Variants in NFIA observed in about 807,000 individuals in gnomAD.
The protein encoded by NFIA is nuclear factor 1 A-type.
In NFIA, 8 loss-of-function variants were observed where a neutral mutation model predicts 62.8. That is an observed-to-expected ratio of 0.13 (90% CI 0.07 to 0.23). The LOEUF (loss-of-function observed/expected upper bound fraction) is 0.23. NFIA is among the 10% of genes least tolerant of loss of function. The pLI, the probability that NFIA is intolerant of heterozygous loss-of-function variation, is 1.00. For missense variants in NFIA, 410 were observed against 642.1 expected, an observed-to-expected ratio of 0.64 and a Z score of 3.91; for synonymous variants, 235 against 238.1, an observed-to-expected ratio of 0.99 and a Z score of 0.12.
intron 2 of NFIA, among the ~76,000 whole-genome samples, chr1:61,150,560 T>G (rs1020956087): frequency 1.3e-5 from 2 of 152,184 alleles, no homozygotes; most frequent in Admixed American, 6.5e-5. Context: ...GGGGGAAATT[T>G]TAAAATTCTT....
Position 61,458,539 on chromosome 1 carries a change from ATGT to A in NFIA, c.*3224_*3226del, listed in dbSNP as rs1271184082. On this transcript the variant is annotated 3_prime_UTR_variant, in exon 11 of 11. Coordinates refer to ENST00000403491, the MANE Select transcript of NFIA (RefSeq NM_001134673.4). Reference sequence around the variant, plus strand: ...TATTTTATAATGCAGGACTTTTGTAATGTTGTTTAAATGAGGAAAAATTTCTGT... The same window carrying A: ...TATTTTATAATGCAGGACTTTTGTAATGTTTAAATGAGGAAAAATTTCTGT... 6.6e-6 allele frequency: 1 copy of A among 152,186 alleles called. No homozygotes were observed. The highest frequency in any genetic ancestry group is 1.5e-5 in the Non-Finnish European group (1 of 68,024). 9.4% of individuals were successfully genotyped at this position (152,186 alleles called of 1,614,324 possible).
intron 2 of NFIA, among the ~76,000 whole-genome samples, chr1:61,263,749 C>A (rs1656922695): frequency 6.6e-6 from 1 of 152,102 alleles, no homozygotes; most frequent in Non-Finnish European, 1.5e-5. Flanking sequence ...AATCCCAGCA[C>A]TTTGGGAGGC....
chr1:61,435,415 C>T (rs1557436800), intron 10 of NFIA, among the ~76,000 whole-genome samples: 1 of 152,178 alleles, frequency 6.6e-6, no homozygotes, highest in South Asian at 2.1e-4. Context: ...ATTGTTTCAG[C>T]GCTGCACGAG....
In NFIA at chr1:61,461,382, C is replaced by T. The variant is rs1390012349; in HGVS notation, c.*6062C>T. 1.3e-5 allele frequency: 2 copies of T among 152,090 alleles called. No individual in the cohort carries two copies. Among genetic ancestry groups the T allele is most frequent in the South Asian group, 2.1e-4 (1 of 4,810 alleles). The allele number at this position is 152,090 out of a possible 1,614,324, so 9.4% of individuals were successfully genotyped here. ...TAAAACTCTGTACAAACTTTGGGCC[C>T]GATTCATAAGAAAAAGAAGTTTGCT... On this transcript the variant is annotated 3_prime_UTR_variant, in exon 11 of 11. Coordinates refer to ENST00000403491, the MANE Select transcript of NFIA (RefSeq NM_001134673.4).
At chr1:61,266,870 G>A (rs1419009537) in intron 2 of NFIA, among the ~76,000 whole-genome samples, 2 of 152,192 alleles carry the variant, frequency 1.3e-5, no homozygotes, top group Admixed American at 1.3e-4. Flanking sequence ...TCCAAGCAGT[G>A]AACAGTTAGA....
intron 2 of NFIA, among the ~76,000 whole-genome samples, chr1:61,134,067 A>G (rs890275612): frequency 6.6e-6 from 1 of 151,768 alleles, no homozygotes; most frequent in African/African-American, 2.4e-5. Context: ...CAGAGGTTAC[A>G]GTGAGCACTC....
At chr1:61,122,485 A>T (rs1019676872) in intron 2 of NFIA, among the ~76,000 whole-genome samples, 2 of 152,224 alleles carry the variant, frequency 1.3e-5, no homozygotes, top group Non-Finnish European at 2.9e-5. Flanking sequence ...ACATAAAAAA[A>T]GGTGGTAATT....
At chr1:61,408,594 C>T (rs932732106) in intron 9 of NFIA, among the ~76,000 whole-genome samples, 2 of 152,166 alleles carry the variant, frequency 1.3e-5, no homozygotes, top group South Asian at 2.1e-4. Context: ...CAATCAATTC[C>T]GTGGAAACAG....
At chr1:61,392,732 G>A (rs1665044314) in intron 7 of NFIA, among the ~76,000 whole-genome samples, 1 of 152,232 alleles carries the variant, frequency 6.6e-6, no homozygotes, top group South Asian at 2.1e-4. Context: ...GTTGTCCCTG[G>A]GAGGACAGGT....
chr1:61,226,952 C>T (rs1448676541), intron 2 of NFIA, among the ~76,000 whole-genome samples: 1 of 152,220 alleles, frequency 6.6e-6, no homozygotes, highest in African/African-American at 2.4e-5. Flanking sequence ...GGGAGCTGCA[C>T]TTCATTTCTC....
At chr1:61,369,862 G>A (rs1005001324) in intron 6 of NFIA, among the ~76,000 whole-genome samples, 1 of 152,024 alleles carries the variant, frequency 6.6e-6, no homozygotes, top group Non-Finnish European at 1.5e-5. Flanking sequence ...ATTGTTTGCA[G>A]ACTTATTTCC....
intron 2 of NFIA, among the ~76,000 whole-genome samples, chr1:61,176,929 C>A (rs962430042): frequency 6.6e-6 from 1 of 151,848 alleles, no homozygotes; most frequent in Admixed American, 6.6e-5. Flanking sequence ...ACAGTGAAAC[C>A]CCGTCTCTAC....
intron 2 of NFIA, among the ~76,000 whole-genome samples, chr1:61,234,784 A>C (rs1285863923): frequency 1.3e-5 from 2 of 152,234 alleles, no homozygotes; most frequent in African/African-American, 2.4e-5. Flanking sequence ...AAGAAGACTG[A>C]GTATGTATTT....
intron 4 of NFIA, among the ~76,000 whole-genome samples, chr1:61,347,141 A>G (rs1662271128): frequency 7.5e-6 from 1 of 133,272 alleles, no homozygotes; most frequent in African/African-American, 2.8e-5. Flanking sequence ...TCACTTCCCT[A>G]TTCAGAAACT....
intron 2 of NFIA, among the ~76,000 whole-genome samples, chr1:61,194,770 A>T (rs1214361012): frequency 1.3e-5 from 2 of 152,108 alleles, no homozygotes; most frequent in Non-Finnish European, 2.9e-5. Flanking sequence ...TCCCATGCTG[A>T]TCACTTTTCT....
chr1:61,442,209 C>T (rs550983021), intron 10 of NFIA, among the ~76,000 whole-genome samples: 10 of 152,216 alleles, frequency 6.6e-5, no homozygotes, highest in Non-Finnish European at 1.2e-4. Context: ...CCTCCCGGTG[C>T]CAGATTCGCT....
chr1:61,162,499 T>G (rs1269654795), intron 2 of NFIA, among the ~76,000 whole-genome samples: 1 of 152,150 alleles, frequency 6.6e-6, no homozygotes, highest in Non-Finnish European at 1.5e-5. Context: ...GCTGTGTTCT[T>G]TTACCCAAGG....
At position 61,420,568 on chromosome 1, in the gene NFIA, T is replaced by C. The variant is rs115466803; in HGVS notation, c.1421-5897T>C. ...ATACCCAGGGTTCTGTTTAAGTCTA[T>C]ATTCCTGAACTTGTTTTGATTACTT... On this transcript the variant is annotated intron_variant, in intron 9 of 10. Coordinates refer to ENST00000403491, the MANE Select transcript of NFIA (RefSeq NM_001134673.4). 3.6e-3 allele frequency among the ~76,000 whole-genome samples: 551 copies of C among 152,338 alleles called. 5 individuals are homozygous for C. The highest frequency in any genetic ancestry group is 0.013 in the African/African-American group (524 of 41,568).
chr1:61,440,184 T>C (rs1194789022), intron 10 of NFIA, among the ~76,000 whole-genome samples: 2 of 152,226 alleles, frequency 1.3e-5, no homozygotes, highest in Non-Finnish European at 2.9e-5. Flanking sequence ...TGTGATGGGC[T>C]AAGTGTCATT....
Sources: allele counts gnomAD v4.1 joint callset (sites outside exome capture counted in the v4.1 genomes callset), GRCh38; gene constraint gnomAD v4.1.1; transcripts MANE v1.5; gene names NCBI Gene and HGNC (gene_info 2026-07-23, HGNC 2026-07-21).